The following SLC25A21 variants were observed in gnomAD, a reference collection of about 807,000 sequenced individuals.
The protein encoded by SLC25A21 is mitochondrial 2-oxodicarboxylate carrier.
SLC25A21 carries 47 observed loss-of-function variants against 43.8 expected under a neutral mutation model. The observed-to-expected ratio is 1.07, with a 90% CI of 0.85 to 1.37. The LOEUF (loss-of-function observed/expected upper bound fraction) is 1.37. SLC25A21 is among the 40% of genes most tolerant of loss of function. The pLI, the probability that SLC25A21 is intolerant of heterozygous loss-of-function variation, is 0.00. For missense variants in SLC25A21, 352 were observed against 350.2 expected (o/e 1.00, Z -0.04); for synonymous variants, 131 against 121.3 (o/e 1.08, Z -0.52).
chr14:37,139,664 C>G (rs1963538396), intron 1 of SLC25A21, among the ~76,000 whole-genome samples: 2 of 152,108 alleles, frequency 1.3e-5, no homozygotes, highest in Non-Finnish European at 1.5e-5. Context: ...TAAAATAGTT[C>G]TATCCATTTA....
chr14:36,812,297 A>T (rs1020029299), intron 3 of SLC25A21, among the ~76,000 whole-genome samples: 1 of 152,084 alleles, frequency 6.6e-6, no homozygotes, highest in Non-Finnish European at 1.5e-5. Flanking sequence ...TGTGTGAAGA[A>T]ATAAGAACTT....
chr14:36,850,079 T>C lies in SLC25A21; in HGVS notation c.119+24877A>G, dbSNP rs528198624. 5.1e-4 allele frequency among the ~76,000 whole-genome samples: 77 copies of C among 151,852 alleles called. 1 individual carries two copies. The highest frequency in any genetic ancestry group is 1.7e-3 in the African/African-American group (69 of 41,358). ...TGTGAAGTGCTGTGATAAGAGAAAATTTAGGGATGGGGTGCATATAGTAGC... is the reference window on the plus strand; with the variant it reads ...TGTGAAGTGCTGTGATAAGAGAAAACTTAGGGATGGGGTGCATATAGTAGC... On this transcript the variant is annotated intron_variant, in intron 2 of 9. Transcript: ENST00000331299.
At chr14:37,069,977 G>T (rs1197474799) in intron 1 of SLC25A21, among the ~76,000 whole-genome samples, 1 of 152,132 alleles carries the variant, frequency 6.6e-6, no homozygotes, top group Non-Finnish European at 1.5e-5. Flanking sequence ...TGATAACAAA[G>T]ATCAGATGTT....
chr14:36,867,676 C>T (rs1890250007), intron 2 of SLC25A21, among the ~76,000 whole-genome samples: 1 of 152,106 alleles, frequency 6.6e-6, no homozygotes, highest in African/African-American at 2.4e-5. Context: ...GCATAGTAAA[C>T]ACTTCCCCCT....
intron 2 of SLC25A21, among the ~76,000 whole-genome samples, chr14:36,851,120 T>C (rs1201304877): frequency 6.6e-6 from 1 of 152,226 alleles, no homozygotes; most frequent in Non-Finnish European, 1.5e-5. Context: ...AGGCTTCAGA[T>C]GCTGGAGTCA....
chr14:36,834,452 A>C (rs1180077893), intron 2 of SLC25A21, among the ~76,000 whole-genome samples: 2 of 152,310 alleles, frequency 1.3e-5, no homozygotes, highest in South Asian at 4.1e-4. Flanking sequence ...TTATCTGAAA[A>C]AATGATACCT....
At chr14:36,835,666 G>C (rs1184667415) in intron 2 of SLC25A21, among the ~76,000 whole-genome samples, 1 of 152,104 alleles carries the variant, frequency 6.6e-6, no homozygotes, top group Non-Finnish European at 1.5e-5. Flanking sequence ...TTCTAAATAA[G>C]AACTTAATGA....
chr14:37,164,921 T>C (rs1964006570), intron 1 of SLC25A21, among the ~76,000 whole-genome samples: 1 of 152,218 alleles, frequency 6.6e-6, no homozygotes, highest in African/African-American at 2.4e-5. Context: ...AGGTGATTAA[T>C]GAGATAACAC....
chr14:36,801,830 A>G (rs1460667293), intron 3 of SLC25A21, among the ~76,000 whole-genome samples: 1 of 152,166 alleles, frequency 6.6e-6, no homozygotes, highest in African/African-American at 2.4e-5. Flanking sequence ...TAAACTCTAG[A>G]CAGGAAGTGC....
intron 1 of SLC25A21, among the ~76,000 whole-genome samples, chr14:37,009,844 T>C (rs901142965): frequency 6.6e-6 from 1 of 152,062 alleles, no homozygotes; most frequent in Non-Finnish European, 1.5e-5. Context: ...AAATTCTCAT[T>C]ATAGAGAGTG....
chr14:36,680,742 T>C, intron 9 of SLC25A21, 23 bp from the exon 10 acceptor site: 1 of 1,607,608 alleles, frequency 6.2e-7, no homozygotes, highest in Non-Finnish European at 8.5e-7. Flanking sequence ...AGAGCTGTTT[T>C]TTATTGCAAA....
At chr14:37,169,447 G>A (rs944757244) in intron 1 of SLC25A21, among the ~76,000 whole-genome samples, 1 of 151,960 alleles carries the variant, frequency 6.6e-6, no homozygotes, top group Non-Finnish European at 1.5e-5. Flanking sequence ...ATTCCAGTTT[G>A]TTCCAGGAAT....
At chr14:36,832,474 C>G (rs909891790) in intron 2 of SLC25A21, among the ~76,000 whole-genome samples, 5 of 152,076 alleles carry the variant, frequency 3.3e-5, no homozygotes, top group Non-Finnish European at 5.9e-5. Context: ...ACTAAAACAG[C>G]AGGGACAATC....
intron 3 of SLC25A21, among the ~76,000 whole-genome samples, chr14:36,756,209 G>A (rs910469210): frequency 1.3e-5 from 2 of 152,196 alleles, no homozygotes; most frequent in Non-Finnish European, 2.9e-5. Flanking sequence ...AGGGAAGCGG[G>A]GGCAGCTGAG....
chr14:36,969,280 G>C (rs1014477295), intron 1 of SLC25A21, among the ~76,000 whole-genome samples: 1 of 152,138 alleles, frequency 6.6e-6, no homozygotes, highest in Non-Finnish European at 1.5e-5. Context: ...GCTTTTCCAA[G>C]AGCGGGAACA....
At chr14:36,993,491 G>A (rs1352445211) in intron 1 of SLC25A21, among the ~76,000 whole-genome samples, 1 of 152,138 alleles carries the variant, frequency 6.6e-6, no homozygotes, top group Non-Finnish European at 1.5e-5. Context: ...ATCACAACCA[G>A]TCAACAACAC....
intron 1 of SLC25A21, among the ~76,000 whole-genome samples, chr14:36,923,459 A>G (rs1208332968): frequency 2.6e-5 from 4 of 152,336 alleles, no homozygotes; most frequent in East Asian, 3.9e-4. Flanking sequence ...AAGAAAAATG[A>G]TATCAGATAG....
chr14:36,786,521 C>T (rs1360575730), intron 3 of SLC25A21, among the ~76,000 whole-genome samples: 1 of 152,136 alleles, frequency 6.6e-6, no homozygotes, highest in African/African-American at 2.4e-5. Flanking sequence ...TAAATGAATT[C>T]CAGAATATTC....
intron 3 of SLC25A21, chr14:36,788,610 C>G (rs1206120737): frequency 6.7e-6 from 1 of 149,608 alleles, no homozygotes; most frequent in East Asian, 2.0e-4. Context: ...AAAAAGGCTC[C>G]AAATATTATT....
Sources: gnomAD v4.1 joint callset for allele counts (sites outside exome capture counted in the v4.1 genomes callset) on GRCh38, gnomAD v4.1.1 for gene constraint, MANE v1.5 for transcripts, NCBI Gene and HGNC (gene_info 2026-07-23, HGNC 2026-07-21) for gene names.